Variants in TMTC1 observed in about 807,000 individuals in gnomAD.
TMTC1 encodes protein O-mannosyl-transferase TMTC1.
In TMTC1, 73 loss-of-function variants were observed where a neutral mutation model predicts 104.8. The observed-to-expected ratio is 0.70, with a 90% CI of 0.58 to 0.85. The LOEUF (loss-of-function observed/expected upper bound fraction) is 0.85, where lower values mean the gene tolerates loss of function less well. TMTC1 is among the 40% of genes least tolerant of loss of function. The pLI is 0.00. For missense variants in TMTC1, 1,035 were observed against 1,096.1 expected, an observed-to-expected ratio of 0.94 and a Z score of 0.79; for synonymous variants, 434 against 428.7, an observed-to-expected ratio of 1.01 and a Z score of -0.15.
intron 5 of TMTC1, among the ~76,000 whole-genome samples, chr12:29,668,823 T>C (rs553927438): frequency 6.6e-6 from 1 of 152,342 alleles, no homozygotes; most frequent in Non-Finnish European, 1.5e-5. Context: ...TTCATACAGT[T>C]CTACAATGAA....
At chr12:29,539,289 C>T (rs1358717128) in intron 10 of TMTC1, among the ~76,000 whole-genome samples, 1 of 152,028 alleles carries the variant, frequency 6.6e-6, no homozygotes, top group Non-Finnish European at 1.5e-5. Context: ...TAGCACGTTT[C>T]TCTGATAATT....
chr12:29,752,924 T>C (rs982864619), intron 4 of TMTC1, among the ~76,000 whole-genome samples: 1 of 152,222 alleles, frequency 6.6e-6, no homozygotes, highest in African/African-American at 2.4e-5. Context: ...TTTCTAGATG[T>C]TGGAAATTAT....
chr12:29,780,054 A>G (rs1284353024), intron 1 of TMTC1, among the ~76,000 whole-genome samples: 1 of 152,236 alleles, frequency 6.6e-6, no homozygotes, highest in Non-Finnish European at 1.5e-5. Context: ...TTACTCAGAC[A>G]CTGCGGCTAG....
intron 13 of TMTC1, among the ~76,000 whole-genome samples, chr12:29,518,128 G>A: frequency 6.6e-6 from 1 of 152,140 alleles, no homozygotes; most frequent in Non-Finnish European, 1.5e-5. Flanking sequence ...TAATTATGAT[G>A]AATTTGTTCT....
rs1051870133 is a variant in TMTC1 at position 29,651,408 on chromosome 12, G to T, written c.939-18072C>A. Among the ~76,000 whole-genome samples, 4 of 152,210 alleles carry T rather than the reference G, an allele frequency of 2.6e-5. No individual in the cohort carries two copies. The East Asian group carries it at 5.8e-4, about 22-fold the overall frequency. ...ATAAGATTAAGCATAGTTGATAAAT[G>T]CTGAAACTGAGTGATAGGGACAAAC... On this transcript the variant is annotated intron_variant, in intron 5 of 17. Transcript: ENST00000539277.
chr12:29,776,144 C>T (rs1466437089), intron 1 of TMTC1, among the ~76,000 whole-genome samples: 1 of 152,114 alleles, frequency 6.6e-6, no homozygotes, highest in Non-Finnish European at 1.5e-5. Context: ...GTGAGAACCC[C>T]CTATAATTCT....
At chr12:29,637,037 A>G (rs1366399317) in intron 5 of TMTC1, among the ~76,000 whole-genome samples, 1 of 151,914 alleles carries the variant, frequency 6.6e-6, no homozygotes, top group Non-Finnish European at 1.5e-5. Flanking sequence ...TGCAGCCTAG[A>G]GCAATAGAGC....
intron 5 of TMTC1, among the ~76,000 whole-genome samples, chr12:29,673,721 T>TGCTA (rs1394332796): frequency 6.7e-6 from 1 of 149,708 alleles, no homozygotes; most frequent in East Asian, 1.9e-4. Context: ...CTGTGTAAGA[T>TGCTA]GCTATGGCTG....
At chr12:29,753,565 A>G (rs138046593) in intron 4 of TMTC1, among the ~76,000 whole-genome samples, 11 of 152,360 alleles carry the variant, frequency 7.2e-5, no homozygotes, top group African/African-American at 2.4e-4. Flanking sequence ...AGCAAATGGC[A>G]TGGCACAGTG....
intron 5 of TMTC1, among the ~76,000 whole-genome samples, chr12:29,709,086 T>A (rs969221226): frequency 1.3e-5 from 2 of 152,224 alleles, no homozygotes; most frequent in Non-Finnish European, 2.9e-5. Flanking sequence ...TTTTGTTTAT[T>A]TTTGCACTAT....
intron 5 of TMTC1, among the ~76,000 whole-genome samples, chr12:29,724,929 G>A (rs1194807204): frequency 6.7e-6 from 1 of 150,296 alleles, no homozygotes; most frequent in Non-Finnish European, 1.5e-5. Flanking sequence ...CAACGAACAT[G>A]AGCTAAAATG....
Position 29,545,629 on chromosome 12 carries a change from T to TCACACACACACACACA in TMTC1, c.1677-9328_1677-9313dup, listed in dbSNP as rs55958433. On this transcript the variant is annotated intron_variant, in intron 10 of 17. Coordinates refer to ENST00000539277, the MANE Select transcript of TMTC1 (RefSeq NM_001193451.2). ...GTCTGGGCAACAGAGCAAGACTCTG[T>TCACACACACACACACA]CACACACACACACACACACACACAC... 3.2e-3 allele frequency among the ~76,000 whole-genome samples: 236 copies of TCACACACACACACACA among 73,558 alleles called. 2 individuals carry two copies. The highest frequency in any genetic ancestry group is 0.013 in the African/African-American group (220 of 17,508). The allele number at this position is 73,558 out of a possible 152,430, so 48.3% of individuals were successfully genotyped here.
rs183086302 is a variant in TMTC1 at position 29,625,779 on chromosome 12, C to T, written c.1128+7368G>A. ...AGAGCTTATGTTTAACACACTTGACCGAGATGACAGCCTGTGGGGAATCAC... is the reference window on the plus strand; with the variant it reads ...AGAGCTTATGTTTAACACACTTGACTGAGATGACAGCCTGTGGGGAATCAC... On this transcript the variant is annotated intron_variant, in intron 6 of 17. Transcript: ENST00000539277. Among the ~76,000 whole-genome samples, 30 of 152,220 alleles carry T rather than the reference C, an allele frequency of 2.0e-4. No individual in the cohort carries two copies. The South Asian group carries it at 2.9e-3, about 15-fold the overall frequency.
chr12:29,723,944 CA>C (rs1389917082), intron 5 of TMTC1, among the ~76,000 whole-genome samples: 1 of 152,040 alleles, frequency 6.6e-6, no homozygotes, highest in African/African-American at 2.4e-5. Flanking sequence ...ACTTAAAAGT[CA>C]AAAGTATGTT....
chr12:29,698,599 G>C (rs1941492480), intron 5 of TMTC1, among the ~76,000 whole-genome samples: 1 of 152,068 alleles, frequency 6.6e-6, no homozygotes, highest in Non-Finnish European at 1.5e-5. Context: ...ACACTAAAAA[G>C]GGATCTTTGT....
intron 6 of TMTC1, among the ~76,000 whole-genome samples, chr12:29,621,019 T>C (rs1565715568): frequency 2.0e-5 from 3 of 152,198 alleles, no homozygotes; most frequent in Admixed American, 6.5e-5. Context: ...GGGTTGTAAA[T>C]GGGCTAGAAA....
At chr12:29,573,170 G>T (rs566776079) in intron 8 of TMTC1, among the ~76,000 whole-genome samples, 1 of 152,138 alleles carries the variant, frequency 6.6e-6, no homozygotes, top group South Asian at 2.1e-4. Context: ...GTATACATGG[G>T]GACTCAGAAA....
intron 5 of TMTC1, among the ~76,000 whole-genome samples, chr12:29,641,624 A>G (rs58042975): frequency 0.056 from 8,568 of 152,178 alleles, 286 homozygotes; most frequent in African/African-American, 0.074. Flanking sequence ...CTCTGACAGC[A>G]CCTACCCAAA....
chr12:29,739,780 C>T (rs971228909), intron 5 of TMTC1, among the ~76,000 whole-genome samples: 1 of 150,862 alleles, frequency 6.6e-6, no homozygotes, highest in African/African-American at 2.4e-5. Flanking sequence ...ATGCTCCCAG[C>T]TCATTGCAAC....
Sources: gnomAD v4.1 joint callset for allele counts (sites outside exome capture counted in the v4.1 genomes callset) on GRCh38, gnomAD v4.1.1 for gene constraint, MANE v1.5 for transcripts, NCBI Gene and HGNC (gene_info 2026-07-23, HGNC 2026-07-21) for gene names.